Variants in YY2 observed in about 807,000 individuals in gnomAD.
The protein encoded by YY2 is transcription factor YY2.
For synonymous variants in YY2, 157 were observed against 131.2 expected (o/e 1.20, Z -1.35); for missense variants, 254 against 305.3 (o/e 0.83, Z 1.25).
In YY2 at chrX:21,858,733, T is replaced by C. The variant is rs2092927188; in HGVS notation, c.*1130T>C. The C allele has an allele frequency of 8.5e-6, 1 of 117,329 alleles. No individual in the cohort carries two copies. The highest frequency in any genetic ancestry group is 4.1e-4 in the South Asian group (1 of 2,418). 9.7% of individuals were successfully genotyped at this position (117,329 alleles called of 1,213,427 possible). ...GGCATAACTCGGTCTCTACCAAAAA[T>C]AAAAAAATTAGCTGAGTGTGGGGCG... On this transcript the variant is annotated 3_prime_UTR_variant, in exon 1 of 1. Transcript: ENST00000429584.
chrX:21,858,098 A>G lies in YY2; in HGVS notation c.*495A>G, dbSNP rs2092926034. On this transcript the variant is annotated 3_prime_UTR_variant, in exon 1 of 1. Coordinates refer to ENST00000429584, the MANE Select transcript of YY2 (RefSeq NM_206923.4). ...AAGATTTACTTTAAAAGAGTGAACAATTATATGCATACGTGAAGTATTTTC... is the reference window on the plus strand; with the variant it reads ...AAGATTTACTTTAAAAGAGTGAACAGTTATATGCATACGTGAAGTATTTTC... 1 of 124,822 alleles carries G rather than the reference A, an allele frequency of 8.0e-6. No homozygotes were observed. Among genetic ancestry groups the G allele is most frequent in the African/African-American group, 3.2e-5 (1 of 31,161 alleles). The allele number at this position is 124,822 out of a possible 1,213,427, so 10.3% of individuals were successfully genotyped here.
chrX:21,857,620 C>G lies in YY2; in HGVS notation c.*17C>G. The G allele has an allele frequency of 3.4e-6, 4 of 1,184,081 alleles. No individual in the cohort carries two copies. The highest frequency in any genetic ancestry group is 1.9e-5 in the South Asian group (1 of 52,315). On this transcript the variant is annotated 3_prime_UTR_variant, in exon 1 of 1. Coordinates refer to ENST00000429584, the MANE Select transcript of YY2 (RefSeq NM_206923.4). ...AACCCGTGAAAAGGAGAAGACCCCT[C>G]TCAGACTTGGGAATTATCTTCCAGG...
In YY2 at chrX:21,856,299, C is replaced by T. The variant is rs1299153027; in HGVS notation, c.-186C>T. 4.3e-5 allele frequency: 16 copies of T among 374,586 alleles called. No individual in the cohort carries two copies. Among genetic ancestry groups the T allele is most frequent in the Non-Finnish European group, 9.1e-6 (2 of 220,071 alleles). The allele number at this position is 374,586 out of a possible 1,213,427, so 30.9% of individuals were successfully genotyped here. ...CAGTCTCGCGCCTTTCTCTGCAGCT[C>T]GCGCCTTTCTCTGCAGCTCGCGCCT... On this transcript the variant is annotated 5_prime_UTR_variant, in exon 1 of 1. Transcript: ENST00000429584.
In YY2 at chrX:21,856,483, C is replaced by A; in HGVS notation, c.-2C>A. Reference sequence around the variant, plus strand: ...TGCCGCTAACCTAACTAACTCTCAGCCATGGCCTCCAACGAAGATTTCTCC... The same window carrying A: ...TGCCGCTAACCTAACTAACTCTCAGACATGGCCTCCAACGAAGATTTCTCC... On this transcript the variant is annotated 5_prime_UTR_variant, in exon 1 of 1. Transcript: ENST00000429584. 1 of 1,203,808 alleles carries A rather than the reference C, an allele frequency of 8.3e-7. No homozygotes were observed. Among genetic ancestry groups the A allele is most frequent in the Non-Finnish European group, 1.1e-6 (1 of 891,115 alleles).
At position 21,856,316 on chromosome X, in the gene YY2, C is replaced by T. The variant is rs1033284674; in HGVS notation, c.-169C>T. The T allele has an allele frequency of 6.6e-5, 30 of 453,462 alleles. No homozygotes were observed. The highest frequency in any genetic ancestry group is 1.6e-4 in the Admixed American group (4 of 25,618). 37.4% of individuals were successfully genotyped at this position (453,462 alleles called of 1,213,427 possible). Reference sequence around the variant, plus strand: ...CTGCAGCTCGCGCCTTTCTCTGCAGCTCGCGCCTTTCTCTGCAGCTCGCGC... The same window carrying T: ...CTGCAGCTCGCGCCTTTCTCTGCAGTTCGCGCCTTTCTCTGCAGCTCGCGC... On this transcript the variant is annotated 5_prime_UTR_variant, in exon 1 of 1. Coordinates refer to ENST00000429584, the MANE Select transcript of YY2 (RefSeq NM_206923.4).
At position 21,856,467 on chromosome X, in the gene YY2, CCTAA is replaced by C. The variant is rs747240302; in HGVS notation, c.-11_-8del. The C allele has an allele frequency of 2.8e-4, 333 of 1,193,977 alleles. 1 individual carries two copies. Among genetic ancestry groups the C allele is most frequent in the South Asian group, 2.6e-3 (141 of 53,977 alleles). ...CCCACGGTCTTCCCGTTGCCGCTAA[CCTAA>C]CTAACTCTCAGCCATGGCCTCCAAC... is the stretch of plus-strand genomic sequence containing the variant. On this transcript the variant is annotated 5_prime_UTR_variant, in exon 1 of 1. Coordinates refer to ENST00000429584, the MANE Select transcript of YY2 (RefSeq NM_206923.4).
chrX:21,857,747 G>C lies in YY2; in HGVS notation c.*144G>C. 2.9e-6 allele frequency: 2 copies of C among 683,383 alleles called. No homozygotes were observed. The highest frequency in any genetic ancestry group is 3.4e-5 in the East Asian group (1 of 29,016). 56.3% of individuals were successfully genotyped at this position (683,383 alleles called of 1,213,427 possible). ...CACATTTAAGGTTCGTGTTTTGTTA[G>C]AGTAGTAAAAATAGAATTTAAACGT... is the stretch of plus-strand genomic sequence containing the variant. On this transcript the variant is annotated 3_prime_UTR_variant, in exon 1 of 1. Transcript: ENST00000429584.
rs1466447739 is a variant in YY2, at chrX:21,857,623, A to G, written c.*20A>G. On this transcript the variant is annotated 3_prime_UTR_variant, in exon 1 of 1. Coordinates refer to ENST00000429584, the MANE Select transcript of YY2 (RefSeq NM_206923.4). Reference sequence around the variant, plus strand: ...CCGTGAAAAGGAGAAGACCCCTCTCAGACTTGGGAATTATCTTCCAGGACT... The same window carrying G: ...CCGTGAAAAGGAGAAGACCCCTCTCGGACTTGGGAATTATCTTCCAGGACT... 1.7e-6 allele frequency: 2 copies of G among 1,178,678 alleles called. No individual in the cohort carries two copies. Among genetic ancestry groups the G allele is most frequent in the Admixed American group, 2.4e-5 (1 of 41,426 alleles).
In YY2 at chrX:21,856,563, G is replaced by A. The variant is rs1413888607; in HGVS notation, c.79G>A (p.Val27Met). The A allele has an allele frequency of 6.6e-6, 8 of 1,210,375 alleles. No individual in the cohort carries two copies. In the Admixed American group the frequency reaches 1.1e-4, roughly 17 times the overall value. The change falls in exon 1 of 1, where the codon GTG becomes ATG. Residue 27 changes from valine (V) to methionine (M), a missense_variant. Val to Met is a conservative substitution (Grantham distance 21, BLOSUM62 1). Transcript: ENST00000429584. The part of the protein sequence containing the change: ...ADIVELHDIN[V>M]EPLPMEDIPT... ...TATTGTGGAGCTCCACGACATCAAT[G>A]TGGAGCCCCTTCCTATGGAGGACAT...
In YY2 at chrX:21,858,329, C is replaced by T. The variant is rs905984901; in HGVS notation, c.*726C>T. 1.6e-5 allele frequency: 2 copies of T among 123,129 alleles called. No homozygotes were observed. The highest frequency in any genetic ancestry group is 6.5e-5 in the African/African-American group (2 of 30,801). The allele number at this position is 123,129 out of a possible 1,213,427, so 10.1% of individuals were successfully genotyped here. A position where few individuals can be genotyped will look rare whatever the true frequency, so the allele number is the denominator to read the frequency against. Reference sequence around the variant, plus strand: ...GTTTAGTGTAATTTCTTTGCCTGTTCAGTTAAAGTAGTGCTTGCTTGTAGA... The same window carrying T: ...GTTTAGTGTAATTTCTTTGCCTGTTTAGTTAAAGTAGTGCTTGCTTGTAGA... On this transcript the variant is annotated 3_prime_UTR_variant, in exon 1 of 1. Coordinates refer to ENST00000429584, the MANE Select transcript of YY2 (RefSeq NM_206923.4).
Position 21,856,862 on chromosome X carries a change from G to A in YY2, c.378G>A (p.Ser126=), listed in dbSNP as rs755928626. 6.4e-5 allele frequency: 78 copies of A among 1,209,520 alleles called. No homozygotes were observed. Among genetic ancestry groups the A allele is most frequent in the Admixed American group, 1.3e-4 (6 of 45,730 alleles). ...FQMTLASLSA[S]AASTSTSTQS... is the part of the protein sequence containing the mutation. The stretch of plus-strand genomic sequence containing the variant: ...TGACCCTGGCCTCTCTGTCGGCCTC[G>A]GCGGCATCAACATCAACATCAACCC... Residue 126 remains serine, a synonymous_variant, in exon 1 of 1, where the codon TCG becomes TCA. Coordinates refer to ENST00000429584, the MANE Select transcript of YY2 (RefSeq NM_206923.4).
rs1448068235 is a variant in YY2 at position 21,857,077 on chromosome X, C to T, written c.593C>T (p.Ala198Val). Reference protein sequence around the residue: ...WSPNDNNDQGAVGEGQAENPP... With the variant: ...WSPNDNNDQGVVGEGQAENPP... ...CCTAACGATAACAATGACCAAGGGG[C>T]AGTGGGTGAAGGCCAGGCTGAAAAC... is the stretch of plus-strand genomic sequence containing the variant. The change falls in exon 1 of 1, where the codon GCA (alanine) becomes GTA (valine). Residue 198 changes from alanine to valine, a missense_variant. Transcript: ENST00000429584. 1.7e-6 allele frequency: 2 copies of T among 1,211,686 alleles called. No individual in the cohort carries two copies. Among genetic ancestry groups the T allele is most frequent in the Non-Finnish European group, 2.2e-6 (2 of 895,474 alleles).
Position 21,857,175 on chromosome X carries a change from G to A in YY2, c.691G>A (p.Asp231Asn), listed in dbSNP as rs771211705. Residue 231 changes from aspartate (D) to asparagine (N), a missense_variant, in exon 1 of 1, where the codon GAT becomes AAT. Asp to Asn is a conservative substitution (Grantham distance 23, BLOSUM62 1). Coordinates refer to ENST00000429584, the MANE Select transcript of YY2 (RefSeq NM_206923.4). ...PGGLPGIDLSDPKQLAEFTKV... is the reference protein window; with the variant it reads ...PGGLPGIDLSNPKQLAEFTKV... ...GGGGTTACCAGGCATTGATCTCTCA[G>A]ATCCTAAACAGCTGGCAGAATTTAC... 8.3e-7 allele frequency: 1 copy of A among 1,212,002 alleles called. No homozygotes were observed. Among genetic ancestry groups the A allele is most frequent in the Admixed American group, 2.2e-5 (1 of 46,085 alleles).
In YY2 at chrX:21,857,766, T is replaced by A; in HGVS notation, c.*163T>A. ...TTGTTAGAGTAGTAAAAATAGAATT[T>A]AAACGTTTTTAAAAAGGTAAACCTT... On this transcript the variant is annotated 3_prime_UTR_variant, in exon 1 of 1. Coordinates refer to ENST00000429584, the MANE Select transcript of YY2 (RefSeq NM_206923.4). 1.8e-6 allele frequency: 1 copy of A among 559,575 alleles called. No homozygotes were observed. The highest frequency in any genetic ancestry group is 2.7e-6 in the Non-Finnish European group (1 of 367,227). 46.1% of individuals were successfully genotyped at this position (559,575 alleles called of 1,213,427 possible).
rs1417758716 is a variant in YY2, at chrX:21,857,036, C to T, written c.552C>T (p.Ser184=). ...MQVKTLEGEF[S]VTMWSPNDNN... ...TCAAAACGCTGGAGGGTGAGTTTTC[C>T]GTGACTATGTGGTCCCCTAACGATA... Residue 184 remains serine (S), a synonymous_variant, in exon 1 of 1, where the codon TCC becomes TCT. Coordinates refer to ENST00000429584, the MANE Select transcript of YY2 (RefSeq NM_206923.4). The T allele has an allele frequency of 1.7e-6, 2 of 1,211,771 alleles. No individual in the cohort carries two copies. Among genetic ancestry groups the T allele is most frequent in the East Asian group, 3.0e-5 (1 of 33,839 alleles).
rs999125176 is a variant in YY2, at chrX:21,857,445, C to T, written c.961C>T (p.Arg321Cys). 1.7e-6 allele frequency: 2 copies of T among 1,211,880 alleles called. No individual in the cohort carries two copies. The highest frequency in any genetic ancestry group is 2.2e-6 in the Non-Finnish European group (2 of 895,516). Residue 321 changes from arginine to cysteine, a missense_variant, in exon 1 of 1, where the codon CGC becomes TGC. Physicochemically the swap from Arg to Cys is radical, Grantham distance 180. Transcript: ENST00000429584. ...GTGCACATTCGAAGGCTGCGGGAAA[C>T]GCTTTTCCCTTGATTTCAATTTGCG... is the stretch of plus-strand genomic sequence containing the variant. ...FQCTFEGCGK[R>C]FSLDFNLRTH... is the part of the protein sequence containing the mutation.
rs376078662 is a variant in YY2, at chrX:21,856,505, C to G, written c.21C>G (p.Phe7Leu). Residue 7 changes from phenylalanine (F) to leucine (L), a missense_variant, in exon 1 of 1, where the codon TTC (phenylalanine) becomes TTG (leucine). Transcript: ENST00000429584. MASNEDFSITQDLEIPA... is the reference protein window; with the variant it reads MASNEDLSITQDLEIPA... Reference sequence around the variant, plus strand: ...CAGCCATGGCCTCCAACGAAGATTTCTCCATCACACAAGACCTGGAGATCC... The same window carrying G: ...CAGCCATGGCCTCCAACGAAGATTTGTCCATCACACAAGACCTGGAGATCC... The G allele has an allele frequency of 1.7e-6, 2 of 1,208,989 alleles. No homozygotes were observed. The highest frequency in any genetic ancestry group is 2.2e-6 in the Non-Finnish European group (2 of 893,859).
chrX:21,856,827 C>A lies in YY2; in HGVS notation c.343C>A (p.His115Asn). The A allele has an allele frequency of 8.3e-7, 1 of 1,211,789 alleles. No homozygotes were observed. Among genetic ancestry groups the A allele is most frequent in the South Asian group, 1.8e-5 (1 of 56,988 alleles). The stretch of plus-strand genomic sequence containing the variant: ...CCTCCCGGATAGCATTGAAGACGAG[C>A]ACTTCCAGATGACCCTGGCCTCTCT... The part of the protein sequence containing the change: ...LALPDSIEDE[H>N]FQMTLASLSA... Residue 115 changes from histidine to asparagine, a missense_variant, in exon 1 of 1, where the codon CAC becomes AAC. His to Asn is a moderately conservative substitution (Grantham distance 68, BLOSUM62 1). Transcript: ENST00000429584.
In YY2 at chrX:21,857,870, A is replaced by C. The variant is rs2092925583; in HGVS notation, c.*267A>C. Reference sequence around the variant, plus strand: ...AAAGTTTGGTCCCAACAGGAGAAAAATTCGTAGACTTCACATCAAGAGACG... The same window carrying C: ...AAAGTTTGGTCCCAACAGGAGAAAACTTCGTAGACTTCACATCAAGAGACG... On this transcript the variant is annotated 3_prime_UTR_variant, in exon 1 of 1. Coordinates refer to ENST00000429584, the MANE Select transcript of YY2 (RefSeq NM_206923.4). 6.6e-5 allele frequency: 18 copies of C among 271,821 alleles called. No individual in the cohort carries two copies. In the South Asian group the frequency reaches 3.0e-3, roughly 45 times the overall value. The allele number at this position is 271,821 out of a possible 1,213,427, so 22.4% of individuals were successfully genotyped here.
Sources: gnomAD v4.1 joint callset for allele counts on GRCh38, gnomAD v4.1.1 for gene constraint, MANE v1.5 for transcripts, NCBI Gene and HGNC (gene_info 2026-07-23, HGNC 2026-07-21) for gene names.